Variants in FRY observed in about 807,000 individuals in gnomAD.
FRY encodes FRY microtubule binding protein, also known as protein furry homolog.
Under a neutral mutation model 348.4 loss-of-function variants are expected in FRY, and 128 were observed. The observed-to-expected ratio is 0.37, with a 90% CI of 0.32 to 0.43. The LOEUF (loss-of-function observed/expected upper bound fraction) is 0.43, where lower values mean the gene tolerates loss of function less well. Ranked by LOEUF, FRY falls within the 20% of genes least tolerant of loss-of-function variation. FRY has a pLI of 1.00. For missense variants in FRY, 2,736 were observed against 3,695.2 expected, an observed-to-expected ratio of 0.74 and a Z score of 6.73; for synonymous variants, 1,370 against 1,374.7, an observed-to-expected ratio of 1.00 and a Z score of 0.08.
At chr13:32,226,959 T>C (rs757895003) in intron 39 of FRY, among the ~76,000 whole-genome samples, 4 of 152,254 alleles carry the variant, frequency 2.6e-5, no homozygotes, top group Non-Finnish European at 5.9e-5. Flanking sequence ...CCCTTTGCTG[T>C]AGATGTTTAA....
intron 20 of FRY, among the ~76,000 whole-genome samples, chr13:32,176,674 T>C (rs1373810304): frequency 6.6e-6 from 1 of 152,240 alleles, no homozygotes; most frequent in Non-Finnish European, 1.5e-5. Flanking sequence ...TGCCTACAGA[T>C]AACACTTTAT....
intron 20 of FRY, 23 bp from the exon 21 acceptor site, chr13:32,178,153 AC>A (rs1343829420): frequency 1.2e-6 from 2 of 1,613,856 alleles, no homozygotes; most frequent in East Asian, 4.5e-5. Flanking sequence ...GGTTTAACTT[AC>A]AACCTACCTC....
intron 53 of FRY, among the ~76,000 whole-genome samples, chr13:32,263,045 G>GA (rs565913631): frequency 5.8e-4 from 89 of 152,210 alleles, no homozygotes; most frequent in African/African-American, 2.1e-3. Flanking sequence ...TTCTTAATTA[G>GA]AAAAAATCTA....
At chr13:32,113,116 G>A (rs186569226) in intron 3 of FRY, among the ~76,000 whole-genome samples, 57 of 152,268 alleles carry the variant, frequency 3.7e-4, no homozygotes, top group African/African-American at 1.3e-3. Context: ...TCTAGCAATA[G>A]TATGATATGT....
chr13:32,230,475 A>G (rs1885849889), intron 40 of FRY, among the ~76,000 whole-genome samples: 3 of 152,120 alleles, frequency 2.0e-5, no homozygotes, highest in South Asian at 4.1e-4. Flanking sequence ...AGCTCCATCC[A>G]TGTCCCTCCA....
rs202022512 is a variant in FRY at position 32,189,590 on chromosome 13, T to TA, written c.3591+1942dup. On this transcript the variant is annotated intron_variant, in intron 28 of 60. Transcript: ENST00000542859. Reference sequence around the variant, plus strand: ...CCAAAAGTTGAATTTGTTACAATACTAAAAAAAATCATAAATCCATGGCAA... The same window carrying TA: ...CCAAAAGTTGAATTTGTTACAATACTAAAAAAAAATCATAAATCCATGGCAA... Among the ~76,000 whole-genome samples, 1,230 of 151,748 alleles carry TA rather than the reference T, an allele frequency of 8.1e-3. 16 individuals carry two copies. The highest frequency in any genetic ancestry group is 0.028 in the African/African-American group (1,167 of 41,450).
chr13:32,070,318 T>C (rs1323142744), intron 1 of FRY, among the ~76,000 whole-genome samples: 1 of 152,190 alleles, frequency 6.6e-6, no homozygotes, highest in Admixed American at 6.5e-5. Context: ...GTTGAACTAA[T>C]TTACACTCCC....
At chr13:32,250,314 G>A (rs1887010691) in intron 49 of FRY, among the ~76,000 whole-genome samples, 3 of 152,192 alleles carry the variant, frequency 2.0e-5, no homozygotes, top group Admixed American at 2.0e-4. Flanking sequence ...ATTACCTTCT[G>A]TGGTAAAGAA....
intron 42 of FRY, 151 bp downstream of exon 42, chr13:32,234,912 A>G (rs1321460028): frequency 6.0e-6 from 4 of 662,906 alleles, no homozygotes; most frequent in Admixed American, 2.7e-5. Context: ...GTTGACTTTT[A>G]TATTTACAAA....
At chr13:32,113,998 AT>A (rs1411955128) in intron 3 of FRY, among the ~76,000 whole-genome samples, 1 of 152,178 alleles carries the variant, frequency 6.6e-6, no homozygotes, top group African/African-American at 2.4e-5. Context: ...AGAAAAAAAT[AT>A]TTTAAGAAAT....
At position 32,178,342 on chromosome 13, in the gene FRY, G is replaced by A. The variant is rs771436018; in HGVS notation, c.2587G>A (p.Glu863Lys). 5.6e-6 allele frequency: 9 copies of A among 1,614,056 alleles called. No individual in the cohort carries two copies. Among genetic ancestry groups the A allele is most frequent in the Non-Finnish European group, 7.6e-6 (9 of 1,180,030 alleles). ...CTGCCTCTTCAGCTTCCTCCGGCAG[G>A]AGAACTTACCCAAGCACTGCCCCAC... ...VLCLFSFLRQ[E>K]NLPKHCPTAL... The change falls in exon 21 of 61, where the codon GAG becomes AAG. Residue 863 changes from glutamate to lysine, a missense_variant. Transcript: ENST00000542859.
Position 32,147,875 on chromosome 13 carries a change from A to C in FRY, c.1320A>C (p.Lys440Asn). 6.2e-7 allele frequency: 1 copy of C among 1,611,348 alleles called. No homozygotes were observed. The highest frequency in any genetic ancestry group is 8.5e-7 in the Non-Finnish European group (1 of 1,177,492). Residue 440 changes from lysine to asparagine, a missense_variant, in exon 13 of 61, where the codon AAA (lysine) becomes AAC (asparagine). Lys to Asn is a moderately conservative substitution (Grantham distance 94). Around this residue, in one of 9 missense-constraint regions of FRY, gnomAD observed 191 missense variants for 370.2 expected, o/e 0.52. Coordinates refer to ENST00000542859, the MANE Select transcript of FRY (RefSeq NM_023037.3). ...LITIITTLFP[K>N]GSRGVVPRDM... is the part of the protein sequence containing the mutation. The stretch of plus-strand genomic sequence containing the variant: ...CCATCATCACAACACTTTTCCCCAA[A>C]GGGTCCCGCGGTGTGGTACCAAGGG...
chr13:32,214,274 C>T (rs1227221613), intron 35 of FRY, among the ~76,000 whole-genome samples: 1 of 152,160 alleles, frequency 6.6e-6, no homozygotes, highest in Non-Finnish European at 1.5e-5. Flanking sequence ...TGCTTACAGA[C>T]ACACTTAACC....
intron 18 of FRY, among the ~76,000 whole-genome samples, chr13:32,172,554 T>A (rs1423271479): frequency 6.6e-6 from 1 of 151,812 alleles, no homozygotes; most frequent in Non-Finnish European, 1.5e-5. Flanking sequence ...TGAGGAGGAG[T>A]GTTGTCAGAG....
chr13:32,073,917 T>G (rs1874839686), intron 1 of FRY, among the ~76,000 whole-genome samples: 3 of 152,176 alleles, frequency 2.0e-5, no homozygotes, highest in Non-Finnish European at 4.4e-5. Context: ...GTGTTTATAT[T>G]GGTGCTACAG....
intron 11 of FRY, among the ~76,000 whole-genome samples, chr13:32,140,458 T>C (rs1475270785): frequency 2.6e-5 from 4 of 152,196 alleles, no homozygotes; most frequent in African/African-American, 9.7e-5. Context: ...CCAACAATTC[T>C]TTATAAGTAG....
rs568114213 is a variant in FRY, at chr13:32,227,562, C to T, written c.5207-894C>T. Among the ~76,000 whole-genome samples the T allele has an allele frequency of 2.0e-5, 3 of 152,226 alleles. No individual in the cohort carries two copies. The South Asian group carries it at 6.2e-4, about 32-fold the overall frequency. On this transcript the variant is annotated intron_variant, in intron 39 of 60. Transcript: ENST00000542859. ...CTACCCAGAGGTATAGAATGTCAAC[C>T]AAGTATATAATGAAGAAACAGTATT...
rs560000747 is a variant in FRY, at chr13:32,227,238, C to A, written c.5207-1218C>A. 1.4e-4 allele frequency among the ~76,000 whole-genome samples: 22 copies of A among 152,218 alleles called. No individual in the cohort carries two copies. The East Asian group carries it at 4.2e-3, about 29-fold the overall frequency. On this transcript the variant is annotated intron_variant, in intron 39 of 60. Transcript: ENST00000542859. ...GTGTACAAAGATTATGGGAAATGTT[C>A]TTTTTTTATAAATATTTATTAAGCA...
chr13:32,135,281 A>G, intron 10 of FRY, 98 bp downstream of exon 10: 1 of 778,844 alleles, frequency 1.3e-6, no homozygotes, highest in Non-Finnish European at 2.2e-6. Context: ...CTCCACAGAT[A>G]GGAAAAGTAC....
Sources: gnomAD v4.1 joint callset for allele counts (sites outside exome capture counted in the v4.1 genomes callset) on GRCh38, gnomAD v4.1.1 for gene constraint, gnomAD v4.1.1 regional missense constraint, MANE v1.5 for transcripts, NCBI Gene and HGNC (gene_info 2026-07-23, HGNC 2026-07-21) for gene names.